The following SLC24A2 variants were observed in gnomAD, a reference collection of about 807,000 sequenced individuals.
SLC24A2 encodes solute carrier family 24 member 2, also known as sodium/potassium/calcium exchanger 2.
SLC24A2 carries 36 observed loss-of-function variants against 62.0 expected under a neutral mutation model. That is an observed-to-expected ratio of 0.58 (90% CI 0.44 to 0.77). The LOEUF (loss-of-function observed/expected upper bound fraction) is 0.77, where lower values mean the gene tolerates loss of function less well. Among genes scored for constraint, SLC24A2 ranks in the 30% least tolerant of loss-of-function variants. The pLI is 0.00. For synonymous variants in SLC24A2, 358 were observed against 294.0 expected, an observed-to-expected ratio of 1.22 and a Z score of -2.23; for missense variants, 846 against 817.9, an observed-to-expected ratio of 1.03 and a Z score of -0.42.
chr9:20,282,086 C>A, the SLC24A2 span, among the ~76,000 whole-genome samples: 1 of 152,060 alleles, frequency 6.6e-6, no homozygotes, highest in Non-Finnish European at 1.5e-5. Context: ...CTAAAATTTT[C>A]TTTTATTAAA....
At chr9:19,751,335 C>T (rs1441736231) in intron 2 of SLC24A2, among the ~76,000 whole-genome samples, 2 of 152,098 alleles carry the variant, frequency 1.3e-5, no homozygotes, top group Non-Finnish European at 2.9e-5. Context: ...GAAAGGCGGC[C>T]AAAGTACTAT....
In SLC24A2 at chr9:19,786,632, C is replaced by A; in HGVS notation, c.235G>T (p.Ala79Ser). 1 of 1,614,094 alleles carries A rather than the reference C, an allele frequency of 6.2e-7. No homozygotes were observed. Among genetic ancestry groups the A allele is most frequent in the South Asian group, 1.1e-5 (1 of 91,078 alleles). Reference sequence around the variant, plus strand: ...AGAGTTCTCTGATGGTAACCCTGTGCTACCCTAGGGCCACTTACAACACTG... The same window carrying A: ...AGAGTTCTCTGATGGTAACCCTGTGATACCCTAGGGCCACTTACAACACTG... The part of the protein sequence containing the change: ...EASVVSGPRV[A>S]QGYHQRTLLD... The change falls in exon 2 of 11, where the codon GCA becomes TCA. Residue 79 changes from alanine (A) to serine (S), a missense_variant. By Grantham distance (99) the Ala-to-Ser change is moderately conservative. Coordinates refer to ENST00000341998, the MANE Select transcript of SLC24A2 (RefSeq NM_020344.4). The surrounding 1 kb of genome is among the most constrained non-coding windows in gnomAD (Gnocchi z 5.0).
At chr9:20,216,864 A>G in the SLC24A2 span, among the ~76,000 whole-genome samples, 2 of 152,154 alleles carry the variant, frequency 1.3e-5, no homozygotes, top group South Asian at 4.1e-4. Flanking sequence ...GGTTGTTTCC[A>G]TCTTTTTCCC....
At chr9:20,097,121 C>G in the SLC24A2 span, among the ~76,000 whole-genome samples, 1 of 152,128 alleles carries the variant, frequency 6.6e-6, no homozygotes, top group Non-Finnish European at 1.5e-5. Context: ...ACCCTACATC[C>G]TATACTTGGG....
At chr9:19,654,291 G>A (rs1379303894) in intron 2 of SLC24A2, among the ~76,000 whole-genome samples, 2 of 152,100 alleles carry the variant, frequency 1.3e-5, no homozygotes, top group African/African-American at 4.8e-5. Flanking sequence ...GTCTTGCTTG[G>A]ACCTTTGGCT....
intron 5 of SLC24A2, among the ~76,000 whole-genome samples, chr9:19,588,790 G>A (rs981014338): frequency 3.3e-5 from 5 of 152,098 alleles, no homozygotes; most frequent in Admixed American, 6.5e-5. Flanking sequence ...GTGAAACCCC[G>A]TCTCTACTAA....
chr9:19,876,004 A>T, the SLC24A2 span, among the ~76,000 whole-genome samples: 1 of 152,194 alleles, frequency 6.6e-6, no homozygotes, highest in East Asian at 1.9e-4. Context: ...TTAGTAGAAT[A>T]CCAACACTTT....
intron 2 of SLC24A2, among the ~76,000 whole-genome samples, chr9:19,711,032 C>T (rs1313115722): frequency 6.6e-6 from 1 of 152,134 alleles, no homozygotes; most frequent in Non-Finnish European, 1.5e-5. Context: ...AAGATTAACC[C>T]AGTAGTAGCA....
the SLC24A2 span, among the ~76,000 whole-genome samples, chr9:19,984,635 G>A: frequency 6.6e-6 from 1 of 152,326 alleles, no homozygotes; most frequent in South Asian, 2.1e-4. Context: ...GAACCCAGGA[G>A]GCAGAAGTTG....
At chr9:20,129,964 C>CAG in the SLC24A2 span, among the ~76,000 whole-genome samples, 25 of 149,586 alleles carry the variant, frequency 1.7e-4, no homozygotes, top group African/African-American at 5.6e-4. Context: ...CACACACACA[C>CAG]AGAGGTTAAG....
the SLC24A2 span, among the ~76,000 whole-genome samples, chr9:20,024,778 C>G: frequency 1.3e-5 from 2 of 152,080 alleles, no homozygotes; most frequent in African/African-American, 4.8e-5. Context: ...GAGAACCTTT[C>G]AAGGCCATAG....
At chr9:19,535,525 T>C (rs955975375) in intron 8 of SLC24A2, among the ~76,000 whole-genome samples, 1 of 152,214 alleles carries the variant, frequency 6.6e-6, no homozygotes, top group Non-Finnish European at 1.5e-5. Flanking sequence ...GAGTTAATTT[T>C]TGTGTAAGGT....
At chr9:19,926,400 A>G in the SLC24A2 span, 1 of 152,170 alleles carries the variant, frequency 6.6e-6, no homozygotes, top group Non-Finnish European at 1.5e-5. Context: ...AGTTCTTGGG[A>G]TGACCCTGGC....
At chr9:20,293,726 G>A in the SLC24A2 span, among the ~76,000 whole-genome samples, 1 of 152,276 alleles carries the variant, frequency 6.6e-6, no homozygotes, top group Non-Finnish European at 1.5e-5. Flanking sequence ...TCCAGAGGTT[G>A]TCAAGAATAC....
chr9:19,990,616 C>CAA, the SLC24A2 span, among the ~76,000 whole-genome samples: 6 of 45,118 alleles, frequency 1.3e-4, no homozygotes, highest in African/African-American at 3.8e-4. Context: ...CCTAAAAAAA[C>CAA]AAAAAAAAAA....
intron 4 of SLC24A2, among the ~76,000 whole-genome samples, chr9:19,614,534 C>T (rs1174456515): frequency 6.6e-6 from 1 of 152,202 alleles, no homozygotes; most frequent in Non-Finnish European, 1.5e-5. Flanking sequence ...TCACCATGTT[C>T]TTTGGTATTC....
chr9:19,882,474 T>C, the SLC24A2 span, among the ~76,000 whole-genome samples: 35 of 151,864 alleles, frequency 2.3e-4, no homozygotes, highest in Admixed American at 5.9e-4. Flanking sequence ...TTGTGACTGA[T>C]AGCTCATAAA....
At chr9:19,620,653 C>T (rs1372792423) in intron 3 of SLC24A2, among the ~76,000 whole-genome samples, 1 of 152,150 alleles carries the variant, frequency 6.6e-6, no homozygotes, top group African/African-American at 2.4e-5. Flanking sequence ...GGTTTTTATC[C>T]TGAATAGGAA....
chr9:20,019,253 G>GAGAAAGAAAGAGAAAGAA, the SLC24A2 span, among the ~76,000 whole-genome samples: 4 of 109,640 alleles, frequency 3.6e-5, no homozygotes, highest in Non-Finnish European at 7.6e-5. Context: ...AAGAAGGAAA[G>GAGAAAGAAAGAGAAAGAA]AGAAAGAAAG....
Sources: allele counts gnomAD v4.1 joint callset (sites outside exome capture counted in the v4.1 genomes callset), GRCh38; gene constraint gnomAD v4.1.1; non-coding constraint Gnocchi (gnomAD v3.1); transcripts MANE v1.5; gene names NCBI Gene and HGNC (gene_info 2026-07-23, HGNC 2026-07-21).